The following FAM110B variants were observed in gnomAD, a reference collection of about 807,000 sequenced individuals.
FAM110B encodes protein FAM110B.
FAM110B carries 6 observed loss-of-function variants against 20.4 expected under a neutral mutation model. That is an observed-to-expected ratio of 0.29 (90% CI 0.16 to 0.58). The LOEUF (loss-of-function observed/expected upper bound fraction) is 0.58, where lower values mean the gene tolerates loss of function less well. Ranked by LOEUF, FAM110B falls within the 20% of genes least tolerant of loss-of-function variation. The probability of loss-of-function intolerance (pLI) is 0.90; values close to 1 mark genes in which losing one functional copy is unlikely to be tolerated. For synonymous variants in FAM110B, 226 were observed against 214.1 expected (o/e 1.06, Z -0.49); for missense variants, 434 against 498.2 (o/e 0.87, Z 1.23).
intron 3 of FAM110B, among the ~76,000 whole-genome samples, chr8:58,080,167 T>C (rs1806153401): frequency 6.6e-6 from 1 of 152,244 alleles, no homozygotes; most frequent in African/African-American, 2.4e-5. Flanking sequence ...CCCAAGGCTC[T>C]TCTATCAAAC....
intron 2 of FAM110B, among the ~76,000 whole-genome samples, chr8:58,063,324 G>T (rs1392713081): frequency 6.6e-6 from 1 of 152,120 alleles, no homozygotes; most frequent in Non-Finnish European, 1.5e-5. Context: ...AAACAATTCA[G>T]ACAGGTTGAC....
intron 2 of FAM110B, among the ~76,000 whole-genome samples, chr8:58,062,474 A>G (rs1446846281): frequency 1.3e-5 from 2 of 152,190 alleles, no homozygotes; most frequent in Non-Finnish European, 2.9e-5. Flanking sequence ...GTCTCTAGAT[A>G]TAATAAAACT....
At chr8:58,062,020 C>G (rs1805667149) in intron 2 of FAM110B, among the ~76,000 whole-genome samples, 1 of 152,160 alleles carries the variant, frequency 6.6e-6, no homozygotes, top group Non-Finnish European at 1.5e-5. Flanking sequence ...AATAACTTTT[C>G]CTCATTCTTG....
intron 2 of FAM110B, among the ~76,000 whole-genome samples, chr8:58,044,556 C>T (rs774394114): frequency 7.2e-5 from 11 of 152,170 alleles, no homozygotes; most frequent in Non-Finnish European, 1.5e-4. Context: ...GGCAGCTGAA[C>T]AATCAAACTA....
chr8:58,119,005 A>G (rs1210058974), intron 3 of FAM110B, among the ~76,000 whole-genome samples: 1 of 152,226 alleles, frequency 6.6e-6, no homozygotes, highest in Non-Finnish European at 1.5e-5. Context: ...GAAATGAGAT[A>G]ATGGCATCCT....
intron 3 of FAM110B, among the ~76,000 whole-genome samples, chr8:58,103,925 G>T (rs1256044472): frequency 6.6e-6 from 1 of 152,198 alleles, no homozygotes; most frequent in Admixed American, 6.5e-5. Context: ...CAGTCCCATA[G>T]TAGCTGGAAC....
At chr8:58,006,923 A>ATATATATATATTTTTTTTTTTTT in intron 1 of FAM110B, among the ~76,000 whole-genome samples, 12 of 126,532 alleles carry the variant, frequency 9.5e-5, no homozygotes, top group Non-Finnish European at 1.6e-4. Context: ...ATATATATAT[A>ATATATATATATTTTTTTTTTTTT]TTTTTCCAAA....
chr8:58,079,939 G>A (rs1806148170), intron 3 of FAM110B, among the ~76,000 whole-genome samples: 1 of 152,222 alleles, frequency 6.6e-6, no homozygotes, highest in African/African-American at 2.4e-5. Flanking sequence ...CAGCAGAGAG[G>A]AAGGATGGGC....
intron 3 of FAM110B, among the ~76,000 whole-genome samples, chr8:58,105,769 A>G (rs1806896031): frequency 6.6e-6 from 1 of 151,606 alleles, no homozygotes; most frequent in Non-Finnish European, 1.5e-5. Context: ...ACAGGGTTTC[A>G]CCATATTAGC....
intron 1 of FAM110B, among the ~76,000 whole-genome samples, chr8:58,023,395 T>C (rs1239259883): frequency 6.6e-6 from 1 of 152,216 alleles, no homozygotes; most frequent in African/African-American, 2.4e-5. Flanking sequence ...ACAAAATACA[T>C]GTTTTTTTGC....
At chr8:58,034,803 TG>T (rs1465701613) in intron 2 of FAM110B, among the ~76,000 whole-genome samples, 2 of 152,208 alleles carry the variant, frequency 1.3e-5, no homozygotes, top group Non-Finnish European at 2.9e-5. Context: ...TACATTGTGC[TG>T]GGCGCATAGT....
chr8:58,112,758 C>G (rs1807095046), intron 3 of FAM110B, among the ~76,000 whole-genome samples: 1 of 152,162 alleles, frequency 6.6e-6, no homozygotes. Context: ...GGAAATATGT[C>G]TGGTTTTATG....
chr8:58,079,733 A>G (rs1019723907), intron 3 of FAM110B, among the ~76,000 whole-genome samples: 11 of 152,124 alleles, frequency 7.2e-5, no homozygotes, highest in African/African-American at 2.7e-4. Context: ...GTGAGCTACG[A>G]TCATGCCACT....
chr8:58,110,983 C>T (rs551436026), intron 3 of FAM110B, among the ~76,000 whole-genome samples: 8 of 152,234 alleles, frequency 5.3e-5, no homozygotes, highest in Non-Finnish European at 1.2e-4. Context: ...ATACTTTCCT[C>T]AAGATAGCGT....
intron 3 of FAM110B, among the ~76,000 whole-genome samples, chr8:58,104,320 C>T (rs969704063): frequency 6.6e-6 from 1 of 152,160 alleles, no homozygotes; most frequent in African/African-American, 2.4e-5. Context: ...CACCTGAGAG[C>T]AGCTAAGATC....
At chr8:58,084,538 C>T (rs557375465) in intron 3 of FAM110B, among the ~76,000 whole-genome samples, 5 of 152,108 alleles carry the variant, frequency 3.3e-5, no homozygotes, top group East Asian at 1.9e-4. Context: ...TACAGGCACT[C>T]GCCACCATGC....
At position 58,072,902 on chromosome 8, in the gene FAM110B, G is replaced by A. The variant is rs145630280; in HGVS notation, c.-413-2633G>A. ...GGAAAATATTTGTGAAAAGGAAAGAGAAATGGGTAGTGCATGATATTGCAT... is the reference window on the plus strand; with the variant it reads ...GGAAAATATTTGTGAAAAGGAAAGAAAAATGGGTAGTGCATGATATTGCAT... On this transcript the variant is annotated intron_variant, in intron 2 of 3. Coordinates refer to ENST00000519262, the MANE Select transcript of FAM110B (RefSeq NM_001377989.1). Among the ~76,000 whole-genome samples the A allele has an allele frequency of 4.8e-3, 734 of 152,306 alleles. 3 individuals are homozygous for A. Among genetic ancestry groups the A allele is most frequent in the African/African-American group, 0.017 (709 of 41,566 alleles).
intron 2 of FAM110B, among the ~76,000 whole-genome samples, chr8:58,067,948 T>C (rs1270337272): frequency 6.6e-6 from 1 of 152,242 alleles, no homozygotes; most frequent in Non-Finnish European, 1.5e-5. Flanking sequence ...TCTGAACATG[T>C]TGAAAGATAA....
rs534428077 is a variant in FAM110B, at chr8:58,146,185, G to A, written c.-46G>A. 4 of 1,548,458 alleles carry A rather than the reference G, an allele frequency of 2.6e-6. No individual in the cohort carries two copies. In the African/African-American group the frequency reaches 4.1e-5, roughly 16 times the overall value. ...GTGTCTATTCAGGCCTTGCGGAGGC[G>A]CCCAGAAGAGCATCCAACACGGCTG... On this transcript the variant is annotated 5_prime_UTR_variant, in exon 4 of 4. Transcript: ENST00000519262.
Sources: allele counts gnomAD v4.1 joint callset (sites outside exome capture counted in the v4.1 genomes callset), GRCh38; gene constraint gnomAD v4.1.1; transcripts MANE v1.5; gene names NCBI Gene and HGNC (gene_info 2026-07-23, HGNC 2026-07-21).